The following CABLES1 variants were observed in gnomAD, a reference collection of about 807,000 sequenced individuals.
The protein encoded by CABLES1 is Cdk5 and Abl enzyme substrate 1.
CABLES1 carries 36 observed loss-of-function variants against 57.8 expected under a neutral mutation model. The observed-to-expected ratio is 0.62, with a 90% CI of 0.48 to 0.82. The LOEUF (loss-of-function observed/expected upper bound fraction) is 0.82, where lower values mean the gene tolerates loss of function less well. Among genes scored for constraint, CABLES1 ranks in the 40% least tolerant of loss-of-function variants. CABLES1 has a pLI of 0.00. For missense variants in CABLES1, 767 were observed against 836.6 expected (o/e 0.92, Z 1.03); for synonymous variants, 374 against 363.0 (o/e 1.03, Z -0.35).
At chr18:23,190,148 A>G (rs1362679393) in intron 2 of CABLES1, among the ~76,000 whole-genome samples, 1 of 152,184 alleles carries the variant, frequency 6.6e-6, no homozygotes, top group Non-Finnish European at 1.5e-5. Context: ...AGTCATACAG[A>G]AAGCTACGCT....
chr18:23,142,990 GAAGTT>G (rs2046867009), intron 1 of CABLES1, among the ~76,000 whole-genome samples: 1 of 152,212 alleles, frequency 6.6e-6, no homozygotes, highest in African/African-American at 2.4e-5. Context: ...GAAGCACAGA[GAAGTT>G]AAGTAACTTG....
intron 1 of CABLES1, among the ~76,000 whole-genome samples, chr18:23,167,036 G>A (rs552378995): frequency 1.0e-3 from 152 of 152,238 alleles, no homozygotes; most frequent in African/African-American, 3.3e-3. Context: ...ACCAGGATGA[G>A]GGGAAGCTGG....
chr18:23,174,200 A>C (rs543526457), intron 1 of CABLES1, among the ~76,000 whole-genome samples: 1 of 152,268 alleles, frequency 6.6e-6, no homozygotes, highest in East Asian at 1.9e-4. Context: ...TATAAGTAGA[A>C]TCATACACGA....
At chr18:23,192,714 T>C (rs2047253284) in intron 2 of CABLES1, among the ~76,000 whole-genome samples, 1 of 152,204 alleles carries the variant, frequency 6.6e-6, no homozygotes. Context: ...TTCTCCTCTT[T>C]CCAGTGACTC....
rs563800008 is a variant in CABLES1, at chr18:23,254,012, A to G, written c.1761+76A>G. The G allele has an allele frequency of 2.0e-5, 25 of 1,248,362 alleles. No individual in the cohort carries two copies. In the African/African-American group the frequency reaches 3.7e-4, roughly 19 times the overall value. 77.3% of individuals were successfully genotyped at this position (1,248,362 alleles called of 1,614,324 possible). ...GTTCCTCTCTCAGAAGGATTCGGTC[A>G]GTGACCCTGCCTGGAAGGATTCTGA... On this transcript the variant is annotated intron_variant, in intron 9 of 9. Transcript: ENST00000256925.
intron 3 of CABLES1, among the ~76,000 whole-genome samples, chr18:23,195,051 A>G (rs1446448289): frequency 1.3e-5 from 2 of 152,204 alleles, no homozygotes; most frequent in Admixed American, 6.5e-5. Flanking sequence ...GGGCCAGCCA[A>G]CATCTGGAGT....
chr18:23,155,281 G>T (rs374339179), intron 1 of CABLES1, among the ~76,000 whole-genome samples: 10 of 152,208 alleles, frequency 6.6e-5, no homozygotes, highest in African/African-American at 2.4e-4. Flanking sequence ...GTTCAGCTTT[G>T]ATTTTATATT....
chr18:23,168,279 G>A lies in CABLES1; in HGVS notation c.846-20559G>A, dbSNP rs532470854. ...TACACCCTTAACGGAGTATGATTTA[G>A]CCTTAAAAAGGAAAGAAATTCTGAC... On this transcript the variant is annotated intron_variant, in intron 1 of 9. Transcript: ENST00000256925. Among the ~76,000 whole-genome samples, 4 of 152,328 alleles carry A rather than the reference G, an allele frequency of 2.6e-5. No individual in the cohort carries two copies. The East Asian group carries it at 7.7e-4, about 29-fold the overall frequency.
At chr18:23,164,108 C>T (rs1353353694) in intron 1 of CABLES1, among the ~76,000 whole-genome samples, 2 of 152,134 alleles carry the variant, frequency 1.3e-5, no homozygotes, top group Non-Finnish European at 2.9e-5. Flanking sequence ...TCATCACACC[C>T]CTTTGTAAAG....
chr18:23,177,367 C>A (rs1452982227), intron 1 of CABLES1, among the ~76,000 whole-genome samples: 1 of 151,378 alleles, frequency 6.6e-6, no homozygotes, highest in Non-Finnish European at 1.5e-5. Context: ...TAGCCCTGTA[C>A]CTCCTGTGTT....
chr18:23,150,658 A>G (rs1431903163), intron 1 of CABLES1, among the ~76,000 whole-genome samples: 1 of 152,056 alleles, frequency 6.6e-6, no homozygotes, highest in African/African-American at 2.4e-5. Flanking sequence ...AATGGGGAAA[A>G]GAGGCAACCA....
At chr18:23,248,781 C>T (rs1033512155) in intron 7 of CABLES1, among the ~76,000 whole-genome samples, 4 of 152,150 alleles carry the variant, frequency 2.6e-5, no homozygotes, top group Admixed American at 2.0e-4. Flanking sequence ...TCTGAGATCA[C>T]ACCATTGCAC....
intron 1 of CABLES1, among the ~76,000 whole-genome samples, chr18:23,163,319 C>A (rs1397537048): frequency 6.6e-6 from 1 of 151,942 alleles, no homozygotes; most frequent in Non-Finnish European, 1.5e-5. Flanking sequence ...CAGAGCAAGG[C>A]GGATTGGAAA....
In CABLES1 at chr18:23,135,693, C is replaced by G. The variant is rs1276760380; in HGVS notation, c.-70C>G. 1 of 982,858 alleles carries G rather than the reference C, an allele frequency of 1.0e-6. No individual in the cohort carries two copies. The highest frequency in any genetic ancestry group is 1.8e-5 in the African/African-American group (1 of 56,798). The allele number at this position is 982,858 out of a possible 1,614,324, so 60.9% of individuals were successfully genotyped here. ...CCAGCCCGGGTCGCCGCCGCTCGCGCCCGCCGCTTAGCGCTCGGGCGCCGC... is the reference window on the plus strand; with the variant it reads ...CCAGCCCGGGTCGCCGCCGCTCGCGGCCGCCGCTTAGCGCTCGGGCGCCGC... On this transcript the variant is annotated 5_prime_UTR_variant, in exon 1 of 10. Transcript: ENST00000256925.
intron 1 of CABLES1, among the ~76,000 whole-genome samples, chr18:23,159,310 C>T (rs893575634): frequency 7.9e-5 from 12 of 152,146 alleles, no homozygotes; most frequent in African/African-American, 2.9e-4. Context: ...GGAGGTGGAG[C>T]GGTTGTTCTG....
At position 23,260,003 on chromosome 18, in the gene CABLES1, G is replaced by T. The variant is rs1191373492; in HGVS notation, c.*2636G>T. 6.6e-6 allele frequency: 1 copy of T among 152,072 alleles called. No homozygotes were observed. Among genetic ancestry groups the T allele is most frequent in the Non-Finnish European group, 1.5e-5 (1 of 68,046 alleles). The allele number at this position is 152,072 out of a possible 1,614,324, so 9.4% of individuals were successfully genotyped here. ...TCCTTTTCCCCCGGAGCCAGCCTAG[G>T]GGGCCCGGGACTCCTCTAGTGAGCC... is the stretch of plus-strand genomic sequence containing the variant. On this transcript the variant is annotated 3_prime_UTR_variant, in exon 10 of 10. Coordinates refer to ENST00000256925, the MANE Select transcript of CABLES1 (RefSeq NM_001100619.3).
chr18:23,150,508 G>A (rs569959597), intron 1 of CABLES1, among the ~76,000 whole-genome samples: 7 of 152,162 alleles, frequency 4.6e-5, no homozygotes, highest in African/African-American at 9.6e-5. Context: ...GAGCCACCAC[G>A]CCCAGCCAGG....
At chr18:23,136,736 C>A in intron 1 of CABLES1, 129 bp downstream of exon 1, 2 of 584,736 alleles carry the variant, frequency 3.4e-6, no homozygotes, top group Non-Finnish European at 5.2e-6. Flanking sequence ...TCCTGTGCTC[C>A]GGGCCCGAAT....
intron 3 of CABLES1, among the ~76,000 whole-genome samples, chr18:23,199,096 A>T (rs1034321287): frequency 2.6e-5 from 4 of 152,234 alleles, no homozygotes; most frequent in African/African-American, 9.6e-5. Context: ...CTGATTTTTT[A>T]AAAATCATTA....
Sources: gnomAD v4.1 joint callset for allele counts (sites outside exome capture counted in the v4.1 genomes callset) on GRCh38, gnomAD v4.1.1 for gene constraint, MANE v1.5 for transcripts, NCBI Gene and HGNC (gene_info 2026-07-23, HGNC 2026-07-21) for gene names.